Variants in PCSK6 observed in about 807,000 individuals in gnomAD.
PCSK6 encodes paired basic amino acid cleaving enzyme 4.
A neutral mutation model predicts 123.3 loss-of-function variants in PCSK6; 85 were observed. The ratio of observed to expected loss-of-function variants is 0.69; its 90% CI spans 0.58 to 0.83. The LOEUF (loss-of-function observed/expected upper bound fraction) is 0.83, where lower values mean the gene tolerates loss of function less well. PCSK6 is among the 40% of genes least tolerant of loss of function. PCSK6 has a pLI of 0.00. For synonymous variants in PCSK6, 508 were observed against 516.0 expected (o/e 0.98, Z 0.21); for missense variants, 1,191 against 1,282.3 (o/e 0.93, Z 1.09).
chr15:101,450,453 C>T (rs548049122), intron 1 of PCSK6, among the ~76,000 whole-genome samples: 1 of 152,298 alleles, frequency 6.6e-6, no homozygotes, highest in East Asian at 1.9e-4. Context: ...CCTCTCAGGC[C>T]TCCCAGGCCC....
intron 12 of PCSK6, among the ~76,000 whole-genome samples, chr15:101,368,287 G>A (rs1265717324): frequency 6.6e-6 from 1 of 152,232 alleles, no homozygotes; most frequent in Non-Finnish European, 1.5e-5. Context: ...AGGGGAGCGG[G>A]AGAGGGGAGG....
rs151285920 is a variant in PCSK6 at position 101,389,569 on chromosome 15, G to A, written c.1210-5C>T. On this transcript the variant is annotated splice_region_variant and splice_polypyrimidine_tract_variant and intron_variant, in intron 8 of 21. Coordinates refer to ENST00000611716, the MANE Select transcript of PCSK6 (RefSeq NM_002570.5). ...CTGACGCAGATCCGTGGTGACCTGG[G>A]GGAGAGAGAAGCACAGTGAGGCAGT... 18,183 of 1,607,584 alleles carry A rather than the reference G, an allele frequency of 0.011. 179 individuals are homozygous for A. The highest frequency in any genetic ancestry group is 0.028 in the South Asian group (2,510 of 90,704).
chr15:101,422,528 C>G (rs1596317029), intron 6 of PCSK6, among the ~76,000 whole-genome samples: 1 of 152,068 alleles, frequency 6.6e-6, no homozygotes, highest in Non-Finnish European at 1.5e-5. Flanking sequence ...TGGATTTTCC[C>G]TAAGGCTATG....
Position 101,483,597 on chromosome 15 carries a change from G to A in PCSK6, c.297+5777C>T, listed in dbSNP as rs183948171. Among the ~76,000 whole-genome samples the A allele has an allele frequency of 7.2e-5, 11 of 152,324 alleles. 1 individual carries two copies. Among genetic ancestry groups the A allele is most frequent in the East Asian group, 5.8e-4 (3 of 5,188 alleles). ...AACATCATTTCCAAGAGCAGCAGAC[G>A]CTGAGCTGTTGTGATTTGGTATGTG... On this transcript the variant is annotated intron_variant, in intron 1 of 21. Transcript: ENST00000611716.
At chr15:101,453,911 C>T (rs751711666) in intron 1 of PCSK6, among the ~76,000 whole-genome samples, 3 of 152,196 alleles carry the variant, frequency 2.0e-5, no homozygotes, top group Non-Finnish European at 4.4e-5. Context: ...TGACCTTGAG[C>T]ACCAAAGGCT....
At chr15:101,311,310 A>G (rs899300244) in intron 20 of PCSK6, among the ~76,000 whole-genome samples, 1 of 131,890 alleles carries the variant, frequency 7.6e-6, no homozygotes, top group Non-Finnish European at 1.6e-5. Context: ...TTTTTTTAGT[A>G]GAGAAGGGGT....
intron 1 of PCSK6, among the ~76,000 whole-genome samples, chr15:101,452,697 TA>T (rs2057066516): frequency 6.6e-6 from 1 of 152,118 alleles, no homozygotes; most frequent in Admixed American, 6.5e-5. Flanking sequence ...TCCAGGCAGA[TA>T]ACCAGGCTGC....
At chr15:101,364,995 G>A (rs771269371) in intron 13 of PCSK6, 25 of 778,148 alleles carry the variant, frequency 3.2e-5, no homozygotes, top group Admixed American at 2.7e-4. Flanking sequence ...GTGTGGAAAC[G>A]AACCTCTCTT....
chr15:101,373,993 G>C (rs1248980472), intron 11 of PCSK6, among the ~76,000 whole-genome samples: 1 of 152,174 alleles, frequency 6.6e-6, no homozygotes, highest in Non-Finnish European at 1.5e-5. Flanking sequence ...GCCATCTTCC[G>C]AGGACGCTAA....
Position 101,468,173 on chromosome 15 carries a change from T to G in PCSK6, c.297+21201A>C, listed in dbSNP as rs138697552. 7.1e-3 allele frequency among the ~76,000 whole-genome samples: 1,081 copies of G among 152,310 alleles called. 14 individuals carry two copies. Among genetic ancestry groups the G allele is most frequent in the African/African-American group, 0.024 (999 of 41,568 alleles). ...TGTGCCTCAGTTTCCTCATCTGTGA[T>G]GTGGAGACAGGGAAAGTACCTAGTT... is the stretch of plus-strand genomic sequence containing the variant. On this transcript the variant is annotated intron_variant, in intron 1 of 21. Coordinates refer to ENST00000611716, the MANE Select transcript of PCSK6 (RefSeq NM_002570.5).
At chr15:101,412,485 C>T (rs1388665669) in intron 6 of PCSK6, among the ~76,000 whole-genome samples, 2 of 151,302 alleles carry the variant, frequency 1.3e-5, no homozygotes. Context: ...ATGAAAAAAA[C>T]ACCTAGGTGA....
intron 6 of PCSK6, among the ~76,000 whole-genome samples, chr15:101,400,809 T>C (rs1228512893): frequency 6.6e-6 from 1 of 152,238 alleles, no homozygotes; most frequent in Non-Finnish European, 1.5e-5. Flanking sequence ...CTTGCCAGGG[T>C]AAGAAGCTTC....
At chr15:101,358,142 C>A (rs949556047) in intron 13 of PCSK6, among the ~76,000 whole-genome samples, 1 of 152,120 alleles carries the variant, frequency 6.6e-6, no homozygotes, top group African/African-American at 2.4e-5. Flanking sequence ...CTCCCAGGGC[C>A]TGGGGAGCAA....
chr15:101,466,420 G>A (rs1201087241), intron 1 of PCSK6, among the ~76,000 whole-genome samples: 1 of 152,198 alleles, frequency 6.6e-6, no homozygotes, highest in Non-Finnish European at 1.5e-5. Context: ...ACCGTGAAGG[G>A]TGGGTCCACA....
Position 101,457,033 on chromosome 15 carries a change from T to C in PCSK6, c.298-13373A>G, listed in dbSNP as rs186947197. Among the ~76,000 whole-genome samples, 181 of 152,102 alleles carry C rather than the reference T, an allele frequency of 1.2e-3. 1 individual carries two copies. The highest frequency in any genetic ancestry group is 1.8e-3 in the Admixed American group (27 of 15,288). On this transcript the variant is annotated intron_variant, in intron 1 of 21. Coordinates refer to ENST00000611716, the MANE Select transcript of PCSK6 (RefSeq NM_002570.5). ...CCAAAAATATAAAAAATTAGCTGGG[T>C]GTGGTGGTGCACACCTGTAATCCCA...
intron 12 of PCSK6, 116 bp from the exon 13 acceptor site, chr15:101,366,448 C>CGCT: frequency 9.1e-7 from 1 of 1,096,762 alleles, no homozygotes. Context: ...ACCGTACCCC[C>CGCT]AGGGTAGCGG....
In PCSK6 at chr15:101,423,911, T is replaced by A. The variant is rs78834136; in HGVS notation, c.823+3981A>T. 1.8e-3 allele frequency among the ~76,000 whole-genome samples: 267 copies of A among 152,278 alleles called. 1 individual carries two copies. The highest frequency in any genetic ancestry group is 5.8e-3 in the African/African-American group (240 of 41,524). ...GCCACAGGCAAAGCACAGATATTTT[T>A]AAAAATAACATTATGAAAGCAGCTA... On this transcript the variant is annotated intron_variant, in intron 6 of 21. Transcript: ENST00000611716.
At chr15:101,370,552 G>T (rs1391843500) in intron 11 of PCSK6, 29 bp from the exon 12 acceptor site, 2 of 1,408,046 alleles carry the variant, frequency 1.4e-6, no homozygotes, top group South Asian at 1.6e-5. Flanking sequence ...CTCAGCACTT[G>T]GCACCGGAAG....
chr15:101,389,234 C>G (rs1161422236), intron 9 of PCSK6, among the ~76,000 whole-genome samples: 2 of 152,188 alleles, frequency 1.3e-5, no homozygotes, highest in South Asian at 2.1e-4. Context: ...TCTGTTACGG[C>G]AGCCTGAGCT....
Sources: allele counts gnomAD v4.1 joint callset (sites outside exome capture counted in the v4.1 genomes callset), GRCh38; gene constraint gnomAD v4.1.1; transcripts MANE v1.5; gene names NCBI Gene and HGNC (gene_info 2026-07-23, HGNC 2026-07-21).